The following LRFN5 variants were observed in gnomAD, a reference collection of about 807,000 sequenced individuals.
LRFN5 encodes the protein leucine rich repeat and fibronectin type III domain containing 5.
In LRFN5, 24 loss-of-function variants were observed where a neutral mutation model predicts 45.6. The observed-to-expected ratio is 0.53, with a 90% confidence interval of 0.38 to 0.74. LRFN5 has a LOEUF of 0.74. Among genes scored for constraint, LRFN5 ranks in the 30% least tolerant of loss-of-function variants. The probability of loss-of-function intolerance (pLI) is 0.00; values close to 1 mark genes in which losing one functional copy is unlikely to be tolerated. For missense variants in LRFN5, 776 were observed against 861.5 expected (o/e 0.90, Z 1.24); for synonymous variants, 340 against 313.8 (o/e 1.08, Z -0.88).
intron 1 of LRFN5, among the ~76,000 whole-genome samples, chr14:41,697,477 CT>C (rs995242203): frequency 6.6e-6 from 1 of 151,668 alleles, no homozygotes; most frequent in Admixed American, 6.6e-5. Flanking sequence ...ATGGATTTGT[CT>C]ATTTCTTCGA....
chr14:41,650,266 C>CACACACAA (rs1247683262), intron 1 of LRFN5, among the ~76,000 whole-genome samples: 2 of 135,452 alleles, frequency 1.5e-5, no homozygotes, highest in Admixed American at 7.7e-5. Context: ...CACACACACA[C>CACACACAA]AAAAAAAAAA....
intron 1 of LRFN5, chr14:41,701,474 C>T (rs1039971261): frequency 6.6e-6 from 1 of 152,184 alleles, no homozygotes; most frequent in African/African-American, 2.4e-5. Context: ...GATAAAGTCT[C>T]TCTTGGGACA....
intron 1 of LRFN5, among the ~76,000 whole-genome samples, chr14:41,671,616 C>CTTTTTTTTTT (rs1566613142): frequency 3.0e-4 from 11 of 37,210 alleles, no homozygotes; most frequent in East Asian, 1.7e-3. Flanking sequence ...TTTTTTTTTT[C>CTTTTTTTTTT]GTTTTTTTTT....
At chr14:41,806,457 A>G (rs1024379404) in intron 2 of LRFN5, among the ~76,000 whole-genome samples, 3 of 152,206 alleles carry the variant, frequency 2.0e-5, no homozygotes, top group African/African-American at 7.2e-5. Flanking sequence ...TTTGTTTGCT[A>G]GAGTAAGCAG....
At chr14:41,883,488 A>G (rs752132413) in intron 2 of LRFN5, among the ~76,000 whole-genome samples, 2 of 152,172 alleles carry the variant, frequency 1.3e-5, no homozygotes, top group East Asian at 1.9e-4. Flanking sequence ...ACATTTTCAT[A>G]TAAGTGCAGG....
intron 1 of LRFN5, among the ~76,000 whole-genome samples, chr14:41,757,486 C>T (rs1049726656): frequency 6.6e-6 from 1 of 152,232 alleles, no homozygotes; most frequent in Non-Finnish European, 1.5e-5. Context: ...CTCGCTGCCG[C>T]CTTGCAGTTT....
chr14:41,652,883 G>T (rs575506025), intron 1 of LRFN5, among the ~76,000 whole-genome samples: 1 of 152,130 alleles, frequency 6.6e-6, no homozygotes, highest in South Asian at 2.1e-4. Flanking sequence ...GTGTCTCACT[G>T]TGGTTTTGAG....
intron 1 of LRFN5, among the ~76,000 whole-genome samples, chr14:41,699,058 A>T (rs1882730522): frequency 6.6e-6 from 1 of 152,026 alleles, no homozygotes; most frequent in African/African-American, 2.4e-5. Flanking sequence ...AAAAGACAAA[A>T]CAGGCAAAGT....
intron 1 of LRFN5, among the ~76,000 whole-genome samples, chr14:41,723,068 G>T (rs959864790): frequency 1.3e-5 from 2 of 152,218 alleles, no homozygotes; most frequent in African/African-American, 4.8e-5. Flanking sequence ...GAGAGTGAGT[G>T]CTCCAGATAG....
chr14:41,760,376 C>T (rs1225857918), intron 1 of LRFN5, among the ~76,000 whole-genome samples: 2 of 152,180 alleles, frequency 1.3e-5, no homozygotes, highest in African/African-American at 4.8e-5. Flanking sequence ...GCATGTGTCA[C>T]TGTGCCTTGC....
At chr14:41,836,349 A>G (rs1324656885) in intron 2 of LRFN5, among the ~76,000 whole-genome samples, 2 of 152,236 alleles carry the variant, frequency 1.3e-5, no homozygotes, top group Admixed American at 1.3e-4. Context: ...ATATTTACCA[A>G]CAAAACAAAC....
chr14:41,787,690 T>TTTTTG (rs1186267761), intron 2 of LRFN5, among the ~76,000 whole-genome samples: 1 of 151,988 alleles, frequency 6.6e-6, no homozygotes, highest in Non-Finnish European at 1.5e-5. Context: ...TTTATGTTTG[T>TTTTTG]TTTTTCATTA....
intron 1 of LRFN5, among the ~76,000 whole-genome samples, chr14:41,674,738 C>G (rs779608964): frequency 4.6e-5 from 7 of 151,850 alleles, no homozygotes; most frequent in African/African-American, 9.6e-5. Context: ...GGGTGGCTGC[C>G]GGGCGGAGAC....
At chr14:41,873,869 C>G (rs1232584575) in intron 2 of LRFN5, among the ~76,000 whole-genome samples, 1 of 152,114 alleles carries the variant, frequency 6.6e-6, no homozygotes, top group Non-Finnish European at 1.5e-5. Flanking sequence ...ACAGGGACTA[C>G]AGTTACAAGA....
chr14:41,904,263 G>T lies in LRFN5; in HGVS notation c.*88G>T. ...TTCAAAAATGTTTCAATTCACAAAG[G>T]CTAATTGTTGAACTGGTGTCGTAGA... On this transcript the variant is annotated 3_prime_UTR_variant, in exon 6 of 6. Coordinates refer to ENST00000298119, the MANE Select transcript of LRFN5 (RefSeq NM_152447.5). The T allele has an allele frequency of 1.4e-6, 2 of 1,463,560 alleles. No individual in the cohort carries two copies. 90.7% of individuals were successfully genotyped at this position (1,463,560 alleles called of 1,614,324 possible). A position where few individuals can be genotyped will look rare whatever the true frequency, so the allele number is the denominator to read the frequency against.
intron 4 of LRFN5, chr14:41,893,127 A>T: frequency 1.0e-6 from 1 of 984,632 alleles, no homozygotes; most frequent in Non-Finnish European, 1.2e-6. Flanking sequence ...TTTAAAGTAA[A>T]TGCATTTGCT....
chr14:41,715,953 ATCT>A (rs60149194), intron 1 of LRFN5, among the ~76,000 whole-genome samples: 6,800 of 152,196 alleles, frequency 0.045, 332 homozygotes, highest in African/African-American at 0.12. Context: ...GTTTCCATAC[ATCT>A]TCTGAAATCT....
At chr14:41,893,970 A>G (rs192433809) in intron 4 of LRFN5, 4 of 985,072 alleles carry the variant, frequency 4.1e-6, no homozygotes, top group East Asian at 1.1e-4. Flanking sequence ...TTTCAGTACT[A>G]TTAATGTAGT....
chr14:41,749,562 A>C (rs537881039), intron 1 of LRFN5, among the ~76,000 whole-genome samples: 1 of 152,308 alleles, frequency 6.6e-6, no homozygotes, highest in East Asian at 1.9e-4. Context: ...AAACTAACAC[A>C]GGAACAGAAA....
Sources: allele counts gnomAD v4.1 joint callset (sites outside exome capture counted in the v4.1 genomes callset), GRCh38; gene constraint gnomAD v4.1.1; transcripts MANE v1.5; gene names NCBI Gene and HGNC (gene_info 2026-07-23, HGNC 2026-07-21).